The following GLTP variants were observed in gnomAD, a reference collection of about 807,000 sequenced individuals.
The protein encoded by GLTP is glycolipid transfer protein.
Under a neutral mutation model 24.0 loss-of-function variants are expected in GLTP, and 22 were observed. The ratio of observed to expected loss-of-function variants is 0.92; its 90% CI spans 0.65 to 1.31. GLTP has a LOEUF of 1.31. Among genes scored for constraint, GLTP ranks in the 50% most tolerant of loss-of-function variants. The pLI is 0.00. For missense variants in GLTP, 224 were observed against 276.6 expected, an observed-to-expected ratio of 0.81 and a Z score of 1.35; for synonymous variants, 92 against 115.9, an observed-to-expected ratio of 0.79 and a Z score of 1.33.
intron 1 of GLTP, among the ~76,000 whole-genome samples, chr12:109,875,708 G>A (rs1267789934): frequency 1.3e-4 from 20 of 152,232 alleles, no homozygotes; most frequent in African/African-American, 3.6e-4. Context: ...ACAACTGGGA[G>A]ATTCCAATTG....
rs1470375865 is a variant in GLTP, at chr12:109,857,657, T to C, written c.165A>G (p.Lys55=). The C allele has an allele frequency of 6.2e-7, 1 of 1,614,120 alleles. No individual in the cohort carries two copies. The highest frequency in any genetic ancestry group is 2.2e-5 in the East Asian group (1 of 44,880). The change falls in exon 3 of 5, where the codon AAA becomes AAG. Residue 55 remains lysine, a splice_region_variant and synonymous_variant. Transcript: ENST00000318348. The surrounding 1 kb of genome is among the most constrained non-coding windows in gnomAD (Gnocchi z 4.3). ...GGTTGGTGTCGTACACAGCTTTGAT[T>C]TTCTGAAATGGAGCACACAAGATTT... The part of the protein sequence containing the change: ...IKADISGNIT[K]IKAVYDTNPA...
intron 1 of GLTP, among the ~76,000 whole-genome samples, chr12:109,863,314 C>A (rs1868421613): frequency 6.6e-6 from 1 of 152,006 alleles, no homozygotes; most frequent in South Asian, 2.1e-4. Context: ...CTTTTTCTTT[C>A]AAGTCTGTTT....
At position 109,858,737 on chromosome 12, in the gene GLTP, G is replaced by A; in HGVS notation, c.108C>T (p.Cys36=). Residue 36 remains cysteine, a synonymous_variant, in exon 2 of 5, where the codon TGC becomes TGT. Transcript: ENST00000318348. ...TGGGAGTAAACACTGGGGACCCAAG[G>A]CAATCTGGGGACAAAATGAGAAGAC... ...AVSHLPPFFD[C]LGSPVFTPIK... The A allele has an allele frequency of 3.7e-6, 6 of 1,606,646 alleles. No homozygotes were observed. The highest frequency in any genetic ancestry group is 4.3e-6 in the Non-Finnish European group (5 of 1,173,252).
chr12:109,879,040 C>G (rs759568938), intron 1 of GLTP, among the ~76,000 whole-genome samples: 24 of 152,202 alleles, frequency 1.6e-4, no homozygotes, highest in Non-Finnish European at 3.2e-4. Context: ...CCTAGGAGAT[C>G]AGCATCCCCG....
At position 109,857,745 on chromosome 12, in the gene GLTP, G is replaced by A. The variant is rs1218967571; in HGVS notation, c.163-86C>T. The stretch of plus-strand genomic sequence containing the variant: ...CACGCTGGGTGAAAAGCACCCTACC[G>A]GCATCTCCTGCTCCTTCCTGCCCTC... On this transcript the variant is annotated intron_variant, in intron 2 of 4. Transcript: ENST00000318348. This position sits in a 1 kb window ranked among gnomAD's most constrained non-coding sequence, Gnocchi z 4.3. The A allele has an allele frequency of 1.8e-5, 24 of 1,338,686 alleles. No homozygotes were observed. Among genetic ancestry groups the A allele is most frequent in the Admixed American group, 6.7e-5 (4 of 59,392 alleles). The allele number at this position is 1,338,686 out of a possible 1,614,324, so 82.9% of individuals were successfully genotyped here.
Position 109,880,416 on chromosome 12 carries a change from G to A in GLTP, c.-42C>T, listed in dbSNP as rs1259151711. The A allele has an allele frequency of 1.9e-6, 2 of 1,061,978 alleles. No homozygotes were observed. The highest frequency in any genetic ancestry group is 1.7e-5 in the African/African-American group (1 of 59,778). The allele number at this position is 1,061,978 out of a possible 1,614,324, so 65.8% of individuals were successfully genotyped here. A position where few individuals can be genotyped will look rare whatever the true frequency, so the allele number is the denominator to read the frequency against. On this transcript the variant is annotated 5_prime_UTR_variant, in exon 1 of 5. Transcript: ENST00000318348. This position sits in a 1 kb window ranked among gnomAD's most constrained non-coding sequence, Gnocchi z 5.1. ...GCGGTGATGCCCCAGCCGGCGCCGCGGGCGTCGACACCGCCCCCCCGGCCG... is the reference window on the plus strand; with the variant it reads ...GCGGTGATGCCCCAGCCGGCGCCGCAGGCGTCGACACCGCCCCCCCGGCCG...
chr12:109,880,264 C>G lies in GLTP; in HGVS notation c.103+8G>C, dbSNP rs1010577260. 2 of 1,559,418 alleles carry G rather than the reference C, an allele frequency of 1.3e-6. No homozygotes were observed. Among genetic ancestry groups the G allele is most frequent in the Admixed American group, 3.4e-5 (2 of 59,356 alleles). On this transcript the variant is annotated splice_region_variant and intron_variant, in intron 1 of 4. Transcript: ENST00000318348. This position sits in a 1 kb window ranked among gnomAD's most constrained non-coding sequence, Gnocchi z 5.1. ...TGCGGGCCGCCTCCCCCCTCCATTC[C>G]GGCTCACCGAAGAAGGGCGGCAGGT...
rs745651942 is a variant in GLTP, at chr12:109,880,423, G to C, written c.-49C>G. On this transcript the variant is annotated 5_prime_UTR_variant, in exon 1 of 5. Coordinates refer to ENST00000318348, the MANE Select transcript of GLTP (RefSeq NM_016433.4). The surrounding 1 kb of genome is among the most constrained non-coding windows in gnomAD (Gnocchi z 5.1). ...TGCCCCAGCCGGCGCCGCGGGCGTC[G>C]ACACCGCCCCCCCGGCCGCCGCCGT... 8.3e-5 allele frequency: 61 copies of C among 732,998 alleles called. No homozygotes were observed. The highest frequency in any genetic ancestry group is 2.1e-4 in the East Asian group (4 of 19,384). 45.4% of individuals were successfully genotyped at this position (732,998 alleles called of 1,614,324 possible). A position where few individuals can be genotyped will look rare whatever the true frequency, so the allele number is the denominator to read the frequency against.
chr12:109,857,700 C>A lies in GLTP; in HGVS notation c.163-41G>T, dbSNP rs1892817814. The A allele has an allele frequency of 6.2e-7, 1 of 1,612,466 alleles. No individual in the cohort carries two copies. The highest frequency in any genetic ancestry group is 8.5e-7 in the Non-Finnish European group (1 of 1,178,614). On this transcript the variant is annotated intron_variant, in intron 2 of 4. Coordinates refer to ENST00000318348, the MANE Select transcript of GLTP (RefSeq NM_016433.4). The surrounding 1 kb of genome is among the most constrained non-coding windows in gnomAD (Gnocchi z 4.3). ...CAAGATTTCCCCTTGGGTAAGCTGC[C>A]CCCATAGACATCTGGCCCGCACGCT...
rs749710788 is a variant in GLTP at position 109,858,698 on chromosome 12, T to G, written c.147A>C (p.Ile49=). The G allele has an allele frequency of 3.2e-5, 52 of 1,613,020 alleles. 3 individuals carry two copies. The South Asian group carries it at 5.4e-4, about 17-fold the overall frequency. ...SPVFTPIKAD[I]SGNITKIKAV... is the part of the protein sequence containing the mutation. The stretch of plus-strand genomic sequence containing the variant: ...AGGTACATACCGTGATGTTGCCGCT[T>G]ATGTCTGCCTTGATGGGAGTAAACA... The change falls in exon 2 of 5, where the codon ATA becomes ATC. Residue 49 remains isoleucine, a synonymous_variant. Transcript: ENST00000318348.
intron 1 of GLTP, among the ~76,000 whole-genome samples, chr12:109,870,744 T>C (rs12823540): frequency 0.38 from 58,023 of 151,970 alleles, 11,560 homozygotes; most frequent in Admixed American, 0.52. Flanking sequence ...TTCAAATGTA[T>C]TCCAGACCAT....
chr12:109,852,471 T>C lies in GLTP; in HGVS notation c.*84A>G. The C allele has an allele frequency of 1.1e-6, 1 of 888,420 alleles. No homozygotes were observed. Among genetic ancestry groups the C allele is most frequent in the Non-Finnish European group, 1.8e-6 (1 of 542,118 alleles). 55.0% of individuals were successfully genotyped at this position (888,420 alleles called of 1,614,324 possible). Reference sequence around the variant, plus strand: ...CTGGGGGACACAGGCCAGGGGCAGTTCACCGACTTGATTCACAGTGATTCT... The same window carrying C: ...CTGGGGGACACAGGCCAGGGGCAGTCCACCGACTTGATTCACAGTGATTCT... On this transcript the variant is annotated 3_prime_UTR_variant, in exon 5 of 5. Transcript: ENST00000318348.
intron 4 of GLTP, among the ~76,000 whole-genome samples, chr12:109,854,758 T>C (rs963149785): frequency 3.3e-5 from 5 of 152,118 alleles, no homozygotes; most frequent in Non-Finnish European, 5.9e-5. Context: ...GAGGGGCCCA[T>C]GGGAATGGGC....
rs751532192 is a variant in GLTP, at chr12:109,855,756, T to C, written c.310A>G (p.Ile104Val). 129 of 1,601,642 alleles carry C rather than the reference T, an allele frequency of 8.1e-5. No individual in the cohort carries two copies. Among genetic ancestry groups the C allele is most frequent in the Middle Eastern group, 1.7e-4 (1 of 6,022 alleles). The change falls in exon 4 of 5, where the codon ATC becomes GTC. Residue 104 changes from isoleucine to valine, a missense_variant. Coordinates refer to ENST00000318348, the MANE Select transcript of GLTP (RefSeq NM_016433.4). This position sits in a 1 kb window ranked among gnomAD's most constrained non-coding sequence, Gnocchi z 4.1. ...LMWLKRGLRF[I>V]QVFLQSICDG... ...CAGATGCTCTGGAGGAAGACCTGGA[T>C]GAAGCGGAGGCCTCTGTGGCCCAGG...
chr12:109,856,735 T>C (rs567993846), intron 3 of GLTP, among the ~76,000 whole-genome samples: 2 of 152,148 alleles, frequency 1.3e-5, no homozygotes, highest in African/African-American at 4.8e-5. Context: ...GAGTTCAAAC[T>C]AGCCCATAGG....
intron 1 of GLTP, among the ~76,000 whole-genome samples, chr12:109,867,526 G>A (rs1204633102): frequency 6.6e-6 from 1 of 152,178 alleles, no homozygotes; most frequent in African/African-American, 2.4e-5. Flanking sequence ...GCACCAATGA[G>A]GGGTTTCATG....
At chr12:109,874,671 C>A (rs1484803478) in intron 1 of GLTP, among the ~76,000 whole-genome samples, 1 of 152,148 alleles carries the variant, frequency 6.6e-6, no homozygotes, top group African/African-American at 2.4e-5. Flanking sequence ...GGGAAAACAG[C>A]ATCATGATTG....
At chr12:109,864,506 T>C (rs919770407) in intron 1 of GLTP, among the ~76,000 whole-genome samples, 4 of 152,128 alleles carry the variant, frequency 2.6e-5, no homozygotes, top group Non-Finnish European at 4.4e-5. Context: ...CAGGAAGTGC[T>C]CTGTATATGG....
At chr12:109,858,301 A>T in intron 2 of GLTP, 1 of 449,512 alleles carries the variant, frequency 2.2e-6, no homozygotes, top group Non-Finnish European at 4.4e-6. Context: ...GTGGATTCTC[A>T]CAGGCAGTCT....
Sources: gnomAD v4.1 joint callset for allele counts (sites outside exome capture counted in the v4.1 genomes callset) on GRCh38, gnomAD v4.1.1 for gene constraint, Gnocchi (gnomAD v3.1) non-coding constraint, MANE v1.5 for transcripts, NCBI Gene and HGNC (gene_info 2026-07-23, HGNC 2026-07-21) for gene names.